The following APP variants were observed in gnomAD, a reference collection of about 807,000 sequenced individuals.
APP encodes amyloid-beta precursor protein.
In APP, 31 loss-of-function variants were observed where a neutral mutation model predicts 101.4. That is an observed-to-expected ratio of 0.31 (90% confidence interval 0.23 to 0.41). The LOEUF (loss-of-function observed/expected upper bound fraction) is 0.41. APP is among the 10% of genes least tolerant of loss of function. APP has a pLI of 1.00. For missense variants in APP, 839 were observed against 1,003.7 expected (o/e 0.84, Z 2.22); for synonymous variants, 366 against 364.4 (o/e 1.00, Z -0.05).
chr21:25,986,046 C>T (rs1032293522), intron 8 of APP, among the ~76,000 whole-genome samples: 6 of 152,168 alleles, frequency 3.9e-5, no homozygotes, highest in African/African-American at 1.2e-4. Flanking sequence ...ACTTCTATTT[C>T]GTGAATATCC....
At chr21:26,055,650 G>A (rs1385422765) in intron 3 of APP, among the ~76,000 whole-genome samples, 1 of 152,174 alleles carries the variant, frequency 6.6e-6, no homozygotes, top group Non-Finnish European at 1.5e-5. Flanking sequence ...ATGGCCTGAA[G>A]ATGCCCACCT....
At chr21:26,030,236 T>C (rs927543348) in intron 5 of APP, among the ~76,000 whole-genome samples, 15 of 152,210 alleles carry the variant, frequency 9.9e-5, no homozygotes, top group African/African-American at 3.6e-4. Flanking sequence ...AAAAGTGCTA[T>C]TCTGAATCCT....
chr21:25,955,364 T>C (rs2041268431), intron 12 of APP, among the ~76,000 whole-genome samples: 1 of 152,254 alleles, frequency 6.6e-6, no homozygotes, highest in African/African-American at 2.4e-5. Flanking sequence ...TTTCTCATTT[T>C]AGTCATTGGT....
intron 1 of APP, among the ~76,000 whole-genome samples, chr21:26,156,857 G>A (rs1344526210): frequency 1.9e-5 from 2 of 105,206 alleles, no homozygotes; most frequent in Non-Finnish European, 5.0e-5. Flanking sequence ...TGGGCTTCAC[G>A]GGTGAAAAAA....
chr21:26,151,382 C>A (rs1388258828), intron 1 of APP, among the ~76,000 whole-genome samples: 1 of 152,208 alleles, frequency 6.6e-6, no homozygotes, highest in Non-Finnish European at 1.5e-5. Context: ...CTTCTGCCTA[C>A]ACGAGCAATC....
At chr21:25,958,558 T>TCA (rs146925613) in intron 11 of APP, among the ~76,000 whole-genome samples, 3 of 152,180 alleles carry the variant, frequency 2.0e-5, no homozygotes, top group Admixed American at 6.5e-5. Context: ...ATTACAGGCG[T>TCA]GCGACCAGTG....
At chr21:26,009,580 TTTTTC>T (rs1203900052) in intron 6 of APP, 16 of 141,870 alleles carry the variant, frequency 1.1e-4, no homozygotes, top group Non-Finnish European at 2.1e-4. Context: ...ATATACTTCC[TTTTTC>T]TTTTCTTTTC....
rs770301922 is a variant in APP, at chr21:26,021,994, C to T, written c.711G>A (p.Val237=). The T allele has an allele frequency of 7.4e-6, 12 of 1,614,102 alleles. No individual in the cohort carries two copies. Among genetic ancestry groups the T allele is most frequent in the Non-Finnish European group, 1.0e-5 (12 of 1,180,006 alleles). Residue 237 remains valine, a synonymous_variant, in exon 6 of 18, where the codon GTG becomes GTA. Transcript: ENST00000346798. ...EVAEEEEVAE[V]EEEEADDDED... ...CGTCATCATCGGCTTCTTCTTCTTCCACCTCAGCCACTTCTTCCTCCTCTG... is the reference window on the plus strand; with the variant it reads ...CGTCATCATCGGCTTCTTCTTCTTCTACCTCAGCCACTTCTTCCTCCTCTG...
intron 3 of APP, among the ~76,000 whole-genome samples, chr21:26,077,309 C>T (rs1322801085): frequency 1.3e-5 from 2 of 152,140 alleles, no homozygotes; most frequent in Non-Finnish European, 1.5e-5. Flanking sequence ...GGTCTTCCCA[C>T]TATGGAACAT....
intron 11 of APP, among the ~76,000 whole-genome samples, chr21:25,959,352 GA>G (rs1409599696): frequency 1.3e-5 from 2 of 152,240 alleles, no homozygotes; most frequent in Non-Finnish European, 2.9e-5. Flanking sequence ...AGAATTGTTT[GA>G]ACCTGGGAGG....
chr21:26,146,567 A>G (rs2063159299), intron 1 of APP, among the ~76,000 whole-genome samples: 1 of 152,184 alleles, frequency 6.6e-6, no homozygotes, highest in Admixed American at 6.5e-5. Flanking sequence ...ATATTTATAC[A>G]TAAAATTATA....
chr21:26,136,313 G>C (rs964006551), intron 1 of APP, among the ~76,000 whole-genome samples: 2 of 151,900 alleles, frequency 1.3e-5, no homozygotes, highest in Non-Finnish European at 2.9e-5. Flanking sequence ...GCACGCACAC[G>C]ATGGACAATA....
chr21:26,163,458 A>G (rs2063542621), intron 1 of APP, among the ~76,000 whole-genome samples: 1 of 152,168 alleles, frequency 6.6e-6, no homozygotes, highest in South Asian at 2.1e-4. Context: ...TTAATTTACA[A>G]AACAGGCTTA....
At chr21:25,992,698 A>C (rs1226715198) in intron 8 of APP, among the ~76,000 whole-genome samples, 3 of 152,208 alleles carry the variant, frequency 2.0e-5, no homozygotes, top group African/African-American at 7.2e-5. Context: ...CCAAAGATTT[A>C]GCTTTTCACA....
intron 1 of APP, among the ~76,000 whole-genome samples, chr21:26,115,024 A>G (rs945055308): frequency 6.6e-6 from 1 of 152,158 alleles, no homozygotes. Context: ...TCATTTTAAC[A>G]ATGAGAGTTT....
At chr21:25,947,836 C>T (rs2040889950) in intron 13 of APP, among the ~76,000 whole-genome samples, 1 of 151,862 alleles carries the variant, frequency 6.6e-6, no homozygotes, top group South Asian at 2.1e-4. Flanking sequence ...AACCCTGTCT[C>T]TACTAAAAAT....
chr21:25,987,306 C>T (rs1039452693), intron 8 of APP, among the ~76,000 whole-genome samples: 3 of 152,178 alleles, frequency 2.0e-5, no homozygotes, highest in Non-Finnish European at 4.4e-5. Flanking sequence ...TGCAAGCAAG[C>T]TGGCTAGGTA....
At chr21:26,097,237 AC>A (rs1249703009) in intron 2 of APP, among the ~76,000 whole-genome samples, 2 of 152,152 alleles carry the variant, frequency 1.3e-5, no homozygotes, top group Admixed American at 1.3e-4. Flanking sequence ...CTGATCCCTG[AC>A]CACTTGCTAC....
chr21:26,046,374 T>C (rs139208594), intron 5 of APP, among the ~76,000 whole-genome samples: 2,987 of 149,070 alleles, frequency 0.02, 86 homozygotes, highest in African/African-American at 0.071. Flanking sequence ...CACACCACTG[T>C]ACTCCAGCCT....
Sources: allele counts gnomAD v4.1 joint callset (sites outside exome capture counted in the v4.1 genomes callset), GRCh38; gene constraint gnomAD v4.1.1; transcripts MANE v1.5; gene names NCBI Gene and HGNC (gene_info 2026-07-23, HGNC 2026-07-21).